KCNH8: variants seen among roughly 807,000 people sequenced by gnomAD.
The protein encoded by KCNH8 is potassium voltage-gated channel subfamily H member 8.
A neutral mutation model predicts 103.6 loss-of-function variants in KCNH8; 70 were observed. The ratio of observed to expected loss-of-function variants is 0.68; its 90% CI spans 0.56 to 0.82. KCNH8 has a LOEUF of 0.82. Ranked by LOEUF, KCNH8 falls within the 40% of genes least tolerant of loss-of-function variation. KCNH8 has a pLI of 0.00. For missense variants in KCNH8, 1,217 were observed against 1,329.9 expected (o/e 0.92, Z 1.32); for synonymous variants, 498 against 489.4 (o/e 1.02, Z -0.23).
intron 1 of KCNH8, among the ~76,000 whole-genome samples, chr3:19,169,231 T>C (rs1427324453): frequency 6.6e-6 from 1 of 150,446 alleles, no homozygotes; most frequent in African/African-American, 2.4e-5. Context: ...AATCTCCTAA[T>C]CTCACTCTTT....
chr3:19,386,913 A>G (rs553489669), intron 5 of KCNH8, among the ~76,000 whole-genome samples: 36 of 152,264 alleles, frequency 2.4e-4, no homozygotes, highest in African/African-American at 8.4e-4. Flanking sequence ...TTCTGTCATG[A>G]GGGACACCAG....
At chr3:19,305,296 G>A (rs1575512152) in intron 3 of KCNH8, among the ~76,000 whole-genome samples, 1 of 152,228 alleles carries the variant, frequency 6.6e-6, no homozygotes, top group East Asian at 1.9e-4. Flanking sequence ...TTTCAGACAT[G>A]AAACGTCTCT....
chr3:19,461,015 A>AT (rs1253272518), intron 11 of KCNH8, among the ~76,000 whole-genome samples: 1 of 152,134 alleles, frequency 6.6e-6, no homozygotes, highest in Non-Finnish European at 1.5e-5. Flanking sequence ...TCCTTTATAA[A>AT]TTACCCAGTC....
intron 4 of KCNH8, among the ~76,000 whole-genome samples, chr3:19,343,187 A>G (rs1027225723): frequency 6.6e-6 from 1 of 152,114 alleles, no homozygotes; most frequent in Admixed American, 6.6e-5. Flanking sequence ...TACATTTTAT[A>G]TAAAACACAG....
chr3:19,259,345 T>C (rs992304700), intron 2 of KCNH8, among the ~76,000 whole-genome samples: 2 of 151,938 alleles, frequency 1.3e-5, no homozygotes, highest in Non-Finnish European at 2.9e-5. Context: ...ACATTTGTTT[T>C]AAGCTTTTTT....
chr3:19,486,397 AT>A (rs1446410706), intron 11 of KCNH8, among the ~76,000 whole-genome samples: 2 of 152,192 alleles, frequency 1.3e-5, no homozygotes, highest in African/African-American at 4.8e-5. Flanking sequence ...TTACCACAGC[AT>A]GGGGGGCTTT....
chr3:19,512,785 G>A (rs1040350182), intron 12 of KCNH8, among the ~76,000 whole-genome samples, 185 bp from the exon 13 acceptor site: 1 of 152,110 alleles, frequency 6.6e-6, no homozygotes, highest in Non-Finnish European at 1.5e-5. Flanking sequence ...ACCTGGAGAA[G>A]AGCAGAAGTG....
intron 1 of KCNH8, among the ~76,000 whole-genome samples, chr3:19,158,830 A>G (rs2125184205): frequency 6.6e-6 from 1 of 152,056 alleles, no homozygotes; most frequent in African/African-American, 2.4e-5. Context: ...TTTTCAGATA[A>G]GAAATAATAC....
chr3:19,308,092 A>T lies in KCNH8; in HGVS notation c.442+26763A>T, dbSNP rs1296472703. 6.6e-5 allele frequency among the ~76,000 whole-genome samples: 10 copies of T among 151,876 alleles called. No individual in the cohort carries two copies. The East Asian group carries it at 1.9e-3, about 29-fold the overall frequency. On this transcript the variant is annotated intron_variant, in intron 3 of 15. Transcript: ENST00000328405. The stretch of plus-strand genomic sequence containing the variant: ...AAAATGATAAATGTGTAAGATGATG[A>T]TTATGCTACTCTGATCTGATTGCTA...
intron 15 of KCNH8, among the ~76,000 whole-genome samples, chr3:19,530,304 A>G (rs1186314310): frequency 6.6e-6 from 1 of 152,190 alleles, no homozygotes; most frequent in Non-Finnish European, 1.5e-5. Flanking sequence ...AAGATCTGAA[A>G]TATTCCCAAC....
chr3:19,234,324 G>C lies in KCNH8; in HGVS notation c.77-19330G>C, dbSNP rs528077820. 1.1e-4 allele frequency among the ~76,000 whole-genome samples: 16 copies of C among 152,302 alleles called. No homozygotes were observed. In the South Asian group the frequency reaches 1.9e-3, roughly 18 times the overall value. ...TGGGTGGTCCATGGGACTGGGCGCC[G>C]TTGAGCAGGGGGCGCCGCTCGTGGG... On this transcript the variant is annotated intron_variant, in intron 1 of 15. Coordinates refer to ENST00000328405, the MANE Select transcript of KCNH8 (RefSeq NM_144633.3).
intron 1 of KCNH8, among the ~76,000 whole-genome samples, chr3:19,241,234 A>G (rs1336801282): frequency 6.6e-6 from 1 of 152,064 alleles, no homozygotes; most frequent in Non-Finnish European, 1.5e-5. Context: ...ATAGTCATTA[A>G]GTTCTAGTCA....
intron 7 of KCNH8, among the ~76,000 whole-genome samples, chr3:19,431,917 G>A (rs906869986): frequency 6.6e-6 from 1 of 151,828 alleles, no homozygotes; most frequent in Non-Finnish European, 1.5e-5. Context: ...CTAGCTAGTG[G>A]TCTATTTTAT....
At chr3:19,298,829 G>A (rs2065027525) in intron 3 of KCNH8, among the ~76,000 whole-genome samples, 1 of 151,554 alleles carries the variant, frequency 6.6e-6, no homozygotes, top group African/African-American at 2.4e-5. Context: ...GGCTGAGGCA[G>A]GGGAATGGCG....
chr3:19,327,038 CT>C (rs1380258376), intron 3 of KCNH8, among the ~76,000 whole-genome samples: 2 of 152,220 alleles, frequency 1.3e-5, no homozygotes, highest in Non-Finnish European at 2.9e-5. Flanking sequence ...TTCTCTCTCT[CT>C]GTCTTGCTTT....
intron 1 of KCNH8, among the ~76,000 whole-genome samples, chr3:19,161,227 C>T (rs563326139): frequency 1.3e-4 from 20 of 152,024 alleles, no homozygotes; most frequent in Non-Finnish European, 2.8e-4. Flanking sequence ...CAATTGAGGG[C>T]AATTGGGTTT....
intron 1 of KCNH8, among the ~76,000 whole-genome samples, chr3:19,197,769 T>C (rs1435709225): frequency 2.0e-5 from 3 of 152,110 alleles, no homozygotes; most frequent in Non-Finnish European, 4.4e-5. Context: ...ATATATTTGC[T>C]TCAAAGTTGT....
intron 10 of KCNH8, among the ~76,000 whole-genome samples, chr3:19,454,941 C>T (rs2067507867): frequency 6.6e-6 from 1 of 152,136 alleles, no homozygotes; most frequent in Admixed American, 6.6e-5. Flanking sequence ...GATTATTTTA[C>T]TTTCCCTATA....
intron 7 of KCNH8, among the ~76,000 whole-genome samples, chr3:19,425,784 CTT>C (rs925621120): frequency 2.0e-5 from 3 of 152,152 alleles, no homozygotes; most frequent in African/African-American, 7.2e-5. Flanking sequence ...CGAAGATAGA[CTT>C]TGACAATCTG....
Sources: allele counts gnomAD v4.1 joint callset (sites outside exome capture counted in the v4.1 genomes callset), GRCh38; gene constraint gnomAD v4.1.1; transcripts MANE v1.5; gene names NCBI Gene and HGNC (gene_info 2026-07-23, HGNC 2026-07-21).